SAMD5: variants seen among roughly 807,000 people sequenced by gnomAD.
SAMD5 encodes the protein sterile alpha motif domain containing 5, also known as sterile alpha motif domain-containing protein 5.
SAMD5 carries 13 observed loss-of-function variants against 11.3 expected under a neutral mutation model. That is an observed-to-expected ratio of 1.15 (90% CI 0.75 to 1.83). SAMD5 has a LOEUF of 1.83. SAMD5 is among the 40% of genes most tolerant of loss of function. The pLI, the probability that SAMD5 is intolerant of heterozygous loss-of-function variation, is 0.00. For missense variants in SAMD5, 255 were observed against 239.1 expected (o/e 1.07, Z -0.44); for synonymous variants, 129 against 111.3 (o/e 1.16, Z -1.00).
Position 147,682,277 on chromosome 6 carries a change from G to A in SAMD5, c.163-55040G>A, listed in dbSNP as rs546336695. 9.2e-5 allele frequency among the ~76,000 whole-genome samples: 14 copies of A among 152,282 alleles called. No individual in the cohort carries two copies. In the South Asian group the frequency reaches 2.9e-3, roughly 32 times the overall value. ...CTTCCTTCATTGTCTAATGTCCAAT[G>A]TTAAAAACTTGTTTCATAGATTTTG... On this transcript the variant is annotated intron_variant, in intron 1 of 1. Transcript: ENST00000566741.
At chr6:147,578,482 T>C (rs953579033) in intron 1 of SAMD5, among the ~76,000 whole-genome samples, 4 of 152,194 alleles carry the variant, frequency 2.6e-5, no homozygotes, top group African/African-American at 9.6e-5. Flanking sequence ...ACATCAGTTA[T>C]TAAAAATTCC....
intron 1 of SAMD5, among the ~76,000 whole-genome samples, chr6:147,691,700 C>G (rs1220010910): frequency 1.3e-5 from 2 of 152,148 alleles, no homozygotes; most frequent in African/African-American, 4.8e-5. Flanking sequence ...GTGTATATCT[C>G]AATCTTGACC....
At chr6:147,819,766 G>A in the SAMD5 span, among the ~76,000 whole-genome samples, 11 of 152,330 alleles carry the variant, frequency 7.2e-5, no homozygotes, top group South Asian at 1.2e-3. Flanking sequence ...CCTGAGAGCC[G>A]AGGCAGGGAT....
At chr6:147,778,042 C>G in the SAMD5 span, among the ~76,000 whole-genome samples, 1 of 152,140 alleles carries the variant, frequency 6.6e-6, no homozygotes, top group Non-Finnish European at 1.5e-5. Context: ...AAAGGAACTG[C>G]AAAACTGTTT....
chr6:147,635,247 C>G (rs1470028803), intron 1 of SAMD5, among the ~76,000 whole-genome samples: 1 of 145,004 alleles, frequency 6.9e-6, no homozygotes, highest in Non-Finnish European at 1.5e-5. Flanking sequence ...ACCACCACCA[C>G]CATCACCATC....
the SAMD5 span, among the ~76,000 whole-genome samples, chr6:147,943,581 G>A: frequency 1.3e-5 from 2 of 151,968 alleles, no homozygotes; most frequent in Non-Finnish European, 2.9e-5. Context: ...GCCCCACCTG[G>A]CTGGTCCCCT....
the SAMD5 span, among the ~76,000 whole-genome samples, chr6:147,760,480 T>C: frequency 1.3e-5 from 2 of 152,130 alleles, no homozygotes; most frequent in Non-Finnish European, 1.5e-5. Flanking sequence ...GCCAGAGCTA[T>C]GGGTTTTGGC....
chr6:147,690,545 A>T (rs1435607220), intron 1 of SAMD5, among the ~76,000 whole-genome samples: 1 of 152,254 alleles, frequency 6.6e-6, no homozygotes, highest in African/African-American at 2.4e-5. Context: ...GCTACTTGGG[A>T]GGCAGAGGCA....
intron 1 of SAMD5, among the ~76,000 whole-genome samples, chr6:147,538,317 T>A (rs1788545589): frequency 6.6e-6 from 1 of 152,238 alleles, no homozygotes; most frequent in Non-Finnish European, 1.5e-5. Context: ...TTTGTTTCAT[T>A]ACTCTTTTAG....
the SAMD5 span, among the ~76,000 whole-genome samples, chr6:147,892,566 C>G: frequency 1.2e-4 from 19 of 152,300 alleles, no homozygotes; most frequent in East Asian, 3.5e-3. Flanking sequence ...CCCTGTAGGT[C>G]CTGTCTTGGT....
the SAMD5 span, among the ~76,000 whole-genome samples, chr6:147,802,501 G>A: frequency 6.6e-6 from 1 of 152,186 alleles, no homozygotes; most frequent in Non-Finnish European, 1.5e-5. Context: ...TAGTATAGCA[G>A]TTTCTTATAA....
chr6:147,901,047 G>C, the SAMD5 span, among the ~76,000 whole-genome samples: 287 of 152,220 alleles, frequency 1.9e-3, no homozygotes, highest in African/African-American at 6.5e-3. Context: ...GATGGTCAGG[G>C]TTCACGTCAC....
In SAMD5 at chr6:147,565,538, G is replaced by T. The variant is rs1435466717; in HGVS notation, c.*1082G>T. 3 of 687,712 alleles carry T rather than the reference G, an allele frequency of 4.4e-6. No individual in the cohort carries two copies. Among genetic ancestry groups the T allele is most frequent in the Admixed American group, 6.3e-5 (1 of 15,788 alleles). The allele number at this position is 687,712 out of a possible 1,614,324, so 42.6% of individuals were successfully genotyped here. On this transcript the variant is annotated 3_prime_UTR_variant, in exon 2 of 2. Transcript: ENST00000367474. ...TAGTGGCACAATCTTGGCTCACAGT[G>T]ACTTTCGCCTCCCAGGTTCAAGGAA... is the stretch of plus-strand genomic sequence containing the variant.
chr6:147,893,938 T>C, the SAMD5 span, among the ~76,000 whole-genome samples: 13 of 152,210 alleles, frequency 8.5e-5, no homozygotes, highest in Admixed American at 5.2e-4. Context: ...TACTCATTTT[T>C]CATAATATGT....
intron 1 of SAMD5, among the ~76,000 whole-genome samples, chr6:147,591,300 C>T (rs939616967): frequency 1.3e-5 from 2 of 152,156 alleles, no homozygotes; most frequent in Non-Finnish European, 2.9e-5. Context: ...AGGTGGAACT[C>T]CAGTGGCATA....
downstream of SAMD5, among the ~76,000 whole-genome samples, chr6:147,574,298 G>A (rs573604207): frequency 6.8e-4 from 104 of 152,222 alleles, no homozygotes; most frequent in African/African-American, 2.3e-3. Context: ...TACAGATGAG[G>A]AATCTGAGGA....
the SAMD5 span, among the ~76,000 whole-genome samples, chr6:147,809,907 C>G: frequency 6.6e-6 from 1 of 152,308 alleles, no homozygotes; most frequent in Admixed American, 6.5e-5. Context: ...AACCCCCCTA[C>G]TCTGATTAAG....
At chr6:147,740,206 T>C (rs1001527951), downstream of SAMD5, among the ~76,000 whole-genome samples, 11 of 152,242 alleles carry the variant, frequency 7.2e-5, no homozygotes, top group African/African-American at 2.4e-4. Flanking sequence ...ATTTTTAAAC[T>C]ATTCCTTTGT....
the SAMD5 span, among the ~76,000 whole-genome samples, chr6:147,822,093 C>T: frequency 2.6e-5 from 4 of 152,098 alleles, no homozygotes; most frequent in Admixed American, 1.3e-4. Context: ...GTAGACAAAG[C>T]TCTTATACAG....
Sources: allele counts gnomAD v4.1 joint callset (sites outside exome capture counted in the v4.1 genomes callset), GRCh38; gene constraint gnomAD v4.1.1; transcripts MANE v1.5; gene names NCBI Gene and HGNC (gene_info 2026-07-23, HGNC 2026-07-21).